Variants in USH2A observed in about 807,000 individuals in gnomAD.
The protein encoded by USH2A is Usher syndrome 2A (autosomal recessive, mild).
A neutral mutation model predicts 538.9 loss-of-function variants in USH2A; 443 were observed. The ratio of observed to expected loss-of-function variants is 0.82; its 90% CI spans 0.76 to 0.89. The LOEUF is 0.89. USH2A is among the 40% of genes least tolerant of loss of function. USH2A has a pLI of 0.00. For synonymous variants in USH2A, 2,413 were observed against 2,273.5 expected, an observed-to-expected ratio of 1.06 and a Z score of -1.75; for missense variants, 6,633 against 6,324.8, an observed-to-expected ratio of 1.05 and a Z score of -1.65.
chr1:215,869,706 C>T (rs1252588533), intron 43 of USH2A, among the ~76,000 whole-genome samples: 1 of 152,174 alleles, frequency 6.6e-6, no homozygotes, highest in Non-Finnish European at 1.5e-5. Flanking sequence ...GTAAATTTTT[C>T]TTCCACATGT....
chr1:216,286,909 A>G (rs1448325871), intron 11 of USH2A, among the ~76,000 whole-genome samples: 1 of 152,206 alleles, frequency 6.6e-6, no homozygotes, highest in Non-Finnish European at 1.5e-5. Context: ...TTTCTTATAG[A>G]AAAACAACAG....
chr1:215,874,315 C>T (rs1316888464), intron 43 of USH2A, among the ~76,000 whole-genome samples: 3 of 152,102 alleles, frequency 2.0e-5, no homozygotes, highest in East Asian at 1.9e-4. Flanking sequence ...TGTAGTTATA[C>T]GGAATTCGTG....
At chr1:216,073,462 T>C (rs2031635280) in intron 27 of USH2A, among the ~76,000 whole-genome samples, 162 bp from the exon 28 acceptor site, 1 of 152,214 alleles carries the variant, frequency 6.6e-6, no homozygotes, top group Non-Finnish European at 1.5e-5. Context: ...CTCCTACTTT[T>C]TAACAAGCTA....
At chr1:215,660,831 G>C (rs1657416275) in intron 64 of USH2A, among the ~76,000 whole-genome samples, 1 of 152,112 alleles carries the variant, frequency 6.6e-6, no homozygotes, top group East Asian at 1.9e-4. Flanking sequence ...GTAATGATCA[G>C]CTCCATCAAC....
At chr1:215,733,886 A>C (rs1266878068) in intron 60 of USH2A, among the ~76,000 whole-genome samples, 1 of 152,122 alleles carries the variant, frequency 6.6e-6, no homozygotes, top group Non-Finnish European at 1.5e-5. Flanking sequence ...CATATATTGG[A>C]GTTGAATCCC....
At chr1:215,774,533 T>C (rs565387960) in intron 55 of USH2A, among the ~76,000 whole-genome samples, 74 of 152,118 alleles carry the variant, frequency 4.9e-4, no homozygotes, top group Admixed American at 7.8e-4. Context: ...AGTGACAGTA[T>C]TTTAATAAAT....
intron 37 of USH2A, among the ~76,000 whole-genome samples, chr1:215,957,440 ATGT>A (rs1478679192): frequency 3.9e-5 from 6 of 152,298 alleles, no homozygotes; most frequent in Admixed American, 3.3e-4. Flanking sequence ...TATCTTTAAC[ATGT>A]TGTTGCTTGA....
chr1:215,754,104 T>C (rs1660713333), intron 58 of USH2A, among the ~76,000 whole-genome samples: 1 of 152,230 alleles, frequency 6.6e-6, no homozygotes. Flanking sequence ...TTCGAATTTC[T>C]TATCTTAAGA....
chr1:216,089,558 G>A (rs1473256059), intron 22 of USH2A, among the ~76,000 whole-genome samples: 1 of 152,002 alleles, frequency 6.6e-6, no homozygotes, highest in Non-Finnish European at 1.5e-5. Flanking sequence ...AAGATAGAGA[G>A]ATGTCAGACA....
intron 43 of USH2A, among the ~76,000 whole-genome samples, chr1:215,868,242 T>C (rs965587054): frequency 8.6e-5 from 13 of 152,038 alleles, no homozygotes; most frequent in Non-Finnish European, 1.6e-4. Context: ...ATTTGCAGGA[T>C]TGTGTTAAAT....
Position 216,355,383 on chromosome 1 carries a change from G to GAAAGAAAGAAAC in USH2A, c.784+9569_784+9570insGTTTCTTTCTTT, listed in dbSNP as rs879931965. ...AGAAAGAAAGAAAGAAAGAAGGAAA[G>GAAAGAAAGAAAC]AAACATATAGTATACAAGAAAACAT... is the stretch of plus-strand genomic sequence containing the variant. On this transcript the variant is annotated intron_variant, in intron 4 of 71. Transcript: ENST00000307340. Among the ~76,000 whole-genome samples, 152 of 148,538 alleles carry GAAAGAAAGAAAC rather than the reference G, an allele frequency of 1.0e-3. 1 individual carries two copies. The highest frequency in any genetic ancestry group is 1.9e-3 in the South Asian group (9 of 4,666).
chr1:216,117,179 C>T (rs2033028692), intron 21 of USH2A, among the ~76,000 whole-genome samples: 1 of 152,074 alleles, frequency 6.6e-6, no homozygotes, highest in Admixed American at 6.5e-5. Flanking sequence ...GGAGGCTCTC[C>T]ACAGACAAAG....
intron 47 of USH2A, among the ~76,000 whole-genome samples, chr1:215,824,540 T>A (rs1253894726): frequency 6.6e-6 from 1 of 152,088 alleles, no homozygotes; most frequent in African/African-American, 2.4e-5. Context: ...CCAGGAAACC[T>A]GTGGAGCAAA....
chr1:215,951,800 A>C (rs1181931533), intron 37 of USH2A, among the ~76,000 whole-genome samples: 1 of 151,700 alleles, frequency 6.6e-6, no homozygotes, highest in East Asian at 1.9e-4. Flanking sequence ...TCCATTTACC[A>C]TTCTGTAATG....
chr1:215,802,647 G>T (rs1010268535), intron 49 of USH2A, among the ~76,000 whole-genome samples: 3 of 152,038 alleles, frequency 2.0e-5, no homozygotes, highest in African/African-American at 7.2e-5. Context: ...GCACACTTAT[G>T]CGTTGTTGGG....
intron 30 of USH2A, among the ~76,000 whole-genome samples, chr1:216,054,889 C>T (rs1277959466): frequency 1.3e-5 from 2 of 152,174 alleles, no homozygotes; most frequent in East Asian, 3.9e-4. Context: ...TCATCACCCA[C>T]TCATTTCCGT....
At chr1:215,743,026 C>A in intron 59 of USH2A, 151 bp downstream of exon 59, 1 of 810,400 alleles carries the variant, frequency 1.2e-6, no homozygotes, top group Non-Finnish European at 2.0e-6. Flanking sequence ...CGATGCCAGA[C>A]TGTGATTTTT....
intron 60 of USH2A, among the ~76,000 whole-genome samples, chr1:215,733,203 G>GT (rs1453166396): frequency 1.4e-5 from 2 of 138,138 alleles, no homozygotes; most frequent in African/African-American, 2.9e-5. Flanking sequence ...GTGGCGGGGG[G>GT]GCGGGGGGCG....
chr1:215,637,775 A>T (rs1007004605), intron 69 of USH2A, among the ~76,000 whole-genome samples: 9 of 152,004 alleles, frequency 5.9e-5, no homozygotes, highest in Non-Finnish European at 1.0e-4. Flanking sequence ...CAAAAAAATT[A>T]AAAAAAATTT....
Sources: gnomAD v4.1 joint callset for allele counts (sites outside exome capture counted in the v4.1 genomes callset) on GRCh38, gnomAD v4.1.1 for gene constraint, MANE v1.5 for transcripts, NCBI Gene and HGNC (gene_info 2026-07-23, HGNC 2026-07-21) for gene names.